Variants in DMD observed in about 807,000 individuals in gnomAD.
DMD encodes the protein dystrophin, also known as mutant dystrophin.
DMD carries 63 observed loss-of-function variants against 330.1 expected under a neutral mutation model. The observed-to-expected ratio is 0.19, with a 90% CI of 0.16 to 0.24. The LOEUF is 0.24. DMD is among the 10% of genes least tolerant of loss of function. The pLI is 1.00. For missense variants in DMD, 3,344 were observed against 2,684.1 expected (o/e 1.25, Z -5.43); for synonymous variants, 1,223 against 959.8 (o/e 1.27, Z -5.07).
intron 76 of DMD, among the ~76,000 whole-genome samples, chrX:31,139,005 C>T (rs1430072308): frequency 4.4e-5 from 5 of 112,383 alleles, no homozygotes; most frequent in African/African-American, 1.6e-4. Context: ...CAGTTGCACA[C>T]TAGAGACCTG....
intron 7 of DMD, among the ~76,000 whole-genome samples, chrX:32,701,696 T>C (rs1375855755): frequency 9.0e-6 from 1 of 111,339 alleles, no homozygotes; most frequent in African/African-American, 3.3e-5. Flanking sequence ...CAAAAAGGGT[T>C]GAGCCTGTGC....
intron 29 of DMD, among the ~76,000 whole-genome samples, chrX:32,414,928 A>T (rs2098160593): frequency 8.9e-6 from 1 of 111,864 alleles, no homozygotes; most frequent in Admixed American, 9.5e-5. Flanking sequence ...TACATCAGGT[A>T]ATTTACTATT....
intron 55 of DMD, among the ~76,000 whole-genome samples, chrX:31,530,653 T>C (rs1388509301): frequency 1.0e-5 from 1 of 95,505 alleles, no homozygotes; most frequent in Non-Finnish European, 2.0e-5. Flanking sequence ...TTCTCTTTTT[T>C]TTTTTTTTTT....
chrX:31,613,370 T>C (rs1027082872), intron 55 of DMD, among the ~76,000 whole-genome samples: 13 of 111,318 alleles, frequency 1.2e-4, no homozygotes, highest in African/African-American at 2.9e-4. Flanking sequence ...AAGCCCAAAC[T>C]GCTCCATGGA....
At chrX:31,897,847 C>G (rs1184394653) in intron 47 of DMD, among the ~76,000 whole-genome samples, 1 of 109,538 alleles carries the variant, frequency 9.1e-6, no homozygotes, top group Non-Finnish European at 1.9e-5. Flanking sequence ...GAGTAGGTTG[C>G]GAAAATTTTC....
chrX:31,571,254 G>GGT (rs371098859), intron 55 of DMD, among the ~76,000 whole-genome samples: 26,102 of 90,080 alleles, frequency 0.29, 3,275 homozygotes, highest in South Asian at 0.45. Context: ...GATTTAAAGG[G>GGT]GTGTGTGTGT....
chrX:32,403,168 T>C (rs992729803), intron 30 of DMD, among the ~76,000 whole-genome samples: 2 of 111,983 alleles, frequency 1.8e-5, no homozygotes, highest in Non-Finnish European at 3.8e-5. Flanking sequence ...ACATAGTATG[T>C]TATGCTAAGT....
At chrX:32,688,227 A>C (rs2063021996) in intron 9 of DMD, among the ~76,000 whole-genome samples, 1 of 110,943 alleles carries the variant, frequency 9.0e-6, no homozygotes, top group Admixed American at 9.6e-5. Flanking sequence ...GAGCATTCAA[A>C]TATCCTTGGT....
At chrX:31,800,057 T>C (rs1175830533) in intron 50 of DMD, among the ~76,000 whole-genome samples, 1 of 112,651 alleles carries the variant, frequency 8.9e-6, no homozygotes, top group Non-Finnish European at 1.9e-5. Flanking sequence ...ACTGAGTATC[T>C]GCAGCTTTTC....
chrX:32,923,818 G>A (rs1018863110), intron 2 of DMD, among the ~76,000 whole-genome samples: 1 of 111,207 alleles, frequency 9.0e-6, no homozygotes, highest in African/African-American at 3.3e-5. Context: ...ATGAGGTAAC[G>A]TCTCATTGTA....
At chrX:32,434,643 A>G (rs752652482) in intron 29 of DMD, among the ~76,000 whole-genome samples, 2 of 111,946 alleles carry the variant, frequency 1.8e-5, no homozygotes, top group Admixed American at 1.9e-4. Context: ...CTGCATCGAA[A>G]CAACAGTCTT....
Position 31,680,537 on chromosome X carries a change from A to AT in DMD, c.7661-952dup, listed in dbSNP as rs201255892. 9.8e-3 allele frequency among the ~76,000 whole-genome samples: 1,001 copies of AT among 102,582 alleles called. 9 individuals are homozygous for AT. The highest frequency in any genetic ancestry group is 0.034 in the East Asian group (111 of 3,303). The allele number at this position is 102,582 out of a possible 115,157, so 89.1% of individuals were successfully genotyped here. ...AGGCACGTGCCATCATGCCCAGCTAATTTTTTTTTTTTGTATTTTTAATAG... is the reference window on the plus strand; with the variant it reads ...AGGCACGTGCCATCATGCCCAGCTAATTTTTTTTTTTTTGTATTTTTAATAG... On this transcript the variant is annotated intron_variant, in intron 52 of 78. Transcript: ENST00000357033.
intron 2 of DMD, among the ~76,000 whole-genome samples, chrX:32,902,318 G>A (rs2149304376): frequency 9.1e-6 from 1 of 110,310 alleles, no homozygotes; most frequent in Admixed American, 9.6e-5. Context: ...AGCAGAAAGC[G>A]AGGTGCATTA....
chrX:31,483,234 G>T (rs1313175045), intron 57 of DMD, among the ~76,000 whole-genome samples: 1 of 108,109 alleles, frequency 9.2e-6, no homozygotes, highest in African/African-American at 3.4e-5. Flanking sequence ...TTTTAGTAGA[G>T]ACGGGGTTTC....
chrX:31,951,159 G>GTA lies in DMD; in HGVS notation c.6614+17178_6614+17179dup, dbSNP rs747836033. Among the ~76,000 whole-genome samples the GTA allele has an allele frequency of 5.4e-3, 384 of 71,676 alleles. 8 individuals carry two copies. The highest frequency in any genetic ancestry group is 0.013 in the African/African-American group (233 of 17,947). The allele number at this position is 71,676 out of a possible 115,157, so 62.2% of individuals were successfully genotyped here. The stretch of plus-strand genomic sequence containing the variant: ...TATATATGTGTATATATATATATAT[G>GTA]TATATATATATATATGTATATATAT... On this transcript the variant is annotated intron_variant, in intron 45 of 78. Coordinates refer to ENST00000357033, the MANE Select transcript of DMD (RefSeq NM_004006.3).
At chrX:31,846,031 A>C (rs1188443733) in intron 48 of DMD, among the ~76,000 whole-genome samples, 1 of 110,987 alleles carries the variant, frequency 9.0e-6, no homozygotes. Context: ...GGATAAGAGA[A>C]GAAAGTTGAA....
At chrX:31,363,620 C>T (rs866068578) in intron 60 of DMD, among the ~76,000 whole-genome samples, 19 of 111,216 alleles carry the variant, frequency 1.7e-4, no homozygotes, top group East Asian at 1.1e-3. Flanking sequence ...TCTCGTGATC[C>T]GCCCACCTCG....
At chrX:32,244,304 G>A (rs1283247252) in intron 43 of DMD, among the ~76,000 whole-genome samples, 2 of 101,703 alleles carry the variant, frequency 2.0e-5, no homozygotes, top group African/African-American at 7.2e-5. Flanking sequence ...CATTTTTTCT[G>A]GCTGCATAGT....
intron 19 of DMD, among the ~76,000 whole-genome samples, chrX:32,500,167 T>G (rs1386851029): frequency 9.0e-6 from 1 of 110,754 alleles, no homozygotes; most frequent in Non-Finnish European, 1.9e-5. Context: ...TCTGCCAAAG[T>G]TAGCATTTTC....
Sources: allele counts gnomAD v4.1 joint callset (sites outside exome capture counted in the v4.1 genomes callset), GRCh38; gene constraint gnomAD v4.1.1; transcripts MANE v1.5; gene names NCBI Gene and HGNC (gene_info 2026-07-23, HGNC 2026-07-21).